BRWD3: variants seen among roughly 807,000 people sequenced by gnomAD.
The protein encoded by BRWD3 is bromodomain and WD repeat-containing protein 3.
BRWD3 carries 10 observed loss-of-function variants against 149.7 expected under a neutral mutation model. The ratio of observed to expected loss-of-function variants is 0.07; its 90% confidence interval spans 0.04 to 0.11. The LOEUF (loss-of-function observed/expected upper bound fraction) is 0.11, where lower values mean the gene tolerates loss of function less well. Among genes scored for constraint, BRWD3 ranks in the 10% least tolerant of loss-of-function variants. The pLI is 1.00. For missense variants in BRWD3, 940 were observed against 1,373.2 expected (o/e 0.68, Z 4.99); for synonymous variants, 504 against 456.7 (o/e 1.10, Z -1.32).
At chrX:80,678,522 G>T (rs935690306) in intron 40 of BRWD3, among the ~76,000 whole-genome samples, 1 of 111,851 alleles carries the variant, frequency 8.9e-6, no homozygotes, top group African/African-American at 3.2e-5. Flanking sequence ...GAGCTCAGGG[G>T]AGAGGGTAGA....
intron 40 of BRWD3, among the ~76,000 whole-genome samples, chrX:80,678,292 A>T (rs976925742): frequency 1.8e-5 from 2 of 111,728 alleles, no homozygotes; most frequent in African/African-American, 6.5e-5. Context: ...TTGCTGACAG[A>T]CTATATGTCA....
intron 6 of BRWD3, among the ~76,000 whole-genome samples, chrX:80,750,847 ATG>A (rs1423807377): frequency 1.4e-5 from 1 of 72,313 alleles, no homozygotes; most frequent in South Asian, 8.9e-4. Context: ...GAATGAATCA[ATG>A]TGTTTTATAC....
chrX:80,800,685 A>T, intron 4 of BRWD3, among the ~76,000 whole-genome samples: 2 of 110,904 alleles, frequency 1.8e-5, no homozygotes, highest in South Asian at 7.6e-4. Context: ...GTCTACAATA[A>T]CCTAAATCAA....
chrX:80,770,037 C>A (rs925924336), intron 6 of BRWD3, among the ~76,000 whole-genome samples: 1 of 111,365 alleles, frequency 9.0e-6, no homozygotes, highest in Non-Finnish European at 1.9e-5. Context: ...TACACCCTCC[C>A]AAGACTAAAC....
At chrX:80,741,896 C>A (rs1379111485) in intron 8 of BRWD3, among the ~76,000 whole-genome samples, 1 of 111,823 alleles carries the variant, frequency 8.9e-6, no homozygotes, top group Non-Finnish European at 1.9e-5. Flanking sequence ...TTTTGCTGTG[C>A]AGAAGCTCTT....
At chrX:80,680,612 G>A (rs1293383769) in intron 40 of BRWD3, among the ~76,000 whole-genome samples, 1 of 111,072 alleles carries the variant, frequency 9.0e-6, no homozygotes, top group Non-Finnish European at 1.9e-5. Context: ...AGCGGTTATT[G>A]ACTGAAAGAA....
At chrX:80,780,837 T>C (rs1328511029) in intron 6 of BRWD3, among the ~76,000 whole-genome samples, 1 of 112,013 alleles carries the variant, frequency 8.9e-6, no homozygotes, top group Non-Finnish European at 1.9e-5. Context: ...GTGACAAATA[T>C]TCCTGGCAGA....
chrX:80,736,514 C>G (rs1025383639), intron 8 of BRWD3, among the ~76,000 whole-genome samples: 1 of 111,482 alleles, frequency 9.0e-6, no homozygotes, highest in Non-Finnish European at 1.9e-5. Context: ...TCTAAAAACA[C>G]TTGGGAAGTT....
chrX:80,741,760 T>G (rs2073511000), intron 8 of BRWD3, among the ~76,000 whole-genome samples: 1 of 112,086 alleles, frequency 8.9e-6, no homozygotes, highest in Non-Finnish European at 1.9e-5. Flanking sequence ...CGGGGTTGTT[T>G]GTTTTTTTCT....
intron 8 of BRWD3, among the ~76,000 whole-genome samples, chrX:80,741,402 T>TATAA (rs941881578): frequency 2.7e-5 from 3 of 111,712 alleles, no homozygotes; most frequent in Non-Finnish European, 5.6e-5. Context: ...CAGCATGATT[T>TATAA]ATAATCCTTT....
intron 23 of BRWD3, among the ~76,000 whole-genome samples, chrX:80,703,804 A>G (rs1481839754): frequency 8.9e-6 from 1 of 111,871 alleles, no homozygotes; most frequent in Non-Finnish European, 1.9e-5. Flanking sequence ...TTAACTGACA[A>G]GTAATAACTT....
chrX:80,756,450 C>T (rs1253259766), intron 6 of BRWD3, among the ~76,000 whole-genome samples: 1 of 87,010 alleles, frequency 1.1e-5, no homozygotes, highest in Non-Finnish European at 2.1e-5. Context: ...AGCAGTGAGC[C>T]GAGATCGCAC....
chrX:80,774,186 A>G (rs985913412), intron 6 of BRWD3, among the ~76,000 whole-genome samples: 2 of 111,466 alleles, frequency 1.8e-5, no homozygotes, highest in South Asian at 3.7e-4. Context: ...TTAGTTTCGC[A>G]TATATATTTT....
At chrX:80,783,251 G>GT (rs2074073782) in intron 6 of BRWD3, among the ~76,000 whole-genome samples, 1 of 110,098 alleles carries the variant, frequency 9.1e-6, no homozygotes, top group Non-Finnish European at 1.9e-5. Context: ...GCCAGGCATA[G>GT]TAGTGCACAC....
At chrX:80,750,026 C>T (rs913946038) in intron 6 of BRWD3, among the ~76,000 whole-genome samples, 2 of 111,819 alleles carry the variant, frequency 1.8e-5, no homozygotes, top group South Asian at 7.4e-4. Flanking sequence ...TGCTGGGAAA[C>T]TGGATATCTA....
In BRWD3 at chrX:80,676,507, G is replaced by C; in HGVS notation, c.*102C>G. ...TAAATGGAAAAGCACCAATGTGAAA[G>C]GAAGCAGAAGTCCCCACACAACTTG... On this transcript the variant is annotated 3_prime_UTR_variant, in exon 41 of 41. Transcript: ENST00000373275. The C allele has an allele frequency of 2.0e-6, 2 of 1,006,559 alleles. No individual in the cohort carries two copies. Among genetic ancestry groups the C allele is most frequent in the East Asian group, 3.3e-5 (1 of 30,681 alleles). The allele number at this position is 1,006,559 out of a possible 1,213,427, so 83.0% of individuals were successfully genotyped here.
At chrX:80,800,757 AAAG>A in intron 4 of BRWD3, among the ~76,000 whole-genome samples, 1 of 110,816 alleles carries the variant, frequency 9.0e-6, no homozygotes. Context: ...AGGGGAAAAA[AAAG>A]AAAAAAAAGA....
At chrX:80,765,111 G>C (rs1400547383) in intron 6 of BRWD3, among the ~76,000 whole-genome samples, 1 of 111,436 alleles carries the variant, frequency 9.0e-6, no homozygotes. Flanking sequence ...ATAACCTTCT[G>C]CTCTGCTGGC....
chrX:80,691,125 A>G lies in BRWD3; in HGVS notation c.3530T>C (p.Leu1177Ser). The change falls in exon 31 of 41, where the codon TTG (leucine) becomes TCG (serine). Residue 1177 changes from leucine to serine, a missense_variant. Leu to Ser is a moderately radical substitution (Grantham distance 145, BLOSUM62 -2). Around this residue, in one of 6 missense-constraint regions of BRWD3, gnomAD observed 158 missense variants for 284.0 expected, o/e 0.56. Coordinates refer to ENST00000373275, the MANE Select transcript of BRWD3 (RefSeq NM_153252.5). ...AVPVDLSAYP[L>S]YCTVVAYPTD... ...TGGATAAGCAACTACAGTACAATACAAGGGGTAGGCACTGAGATCCACTGG... is the reference window on the plus strand; with the variant it reads ...TGGATAAGCAACTACAGTACAATACGAGGGGTAGGCACTGAGATCCACTGG... 1 of 1,208,177 alleles carries G rather than the reference A, an allele frequency of 8.3e-7. No individual in the cohort carries two copies. The highest frequency in any genetic ancestry group is 1.1e-6 in the Non-Finnish European group (1 of 892,431).
Sources: allele counts gnomAD v4.1 joint callset (sites outside exome capture counted in the v4.1 genomes callset), GRCh38; gene constraint gnomAD v4.1.1; regional missense constraint gnomAD v4.1.1; transcripts MANE v1.5; gene names NCBI Gene and HGNC (gene_info 2026-07-23, HGNC 2026-07-21).